LRRC4: variants seen among roughly 807,000 people sequenced by gnomAD.
LRRC4 encodes leucine rich repeat containing 4.
A neutral mutation model predicts 37.9 loss-of-function variants in LRRC4; 11 were observed. The ratio of observed to expected loss-of-function variants is 0.29; its 90% CI spans 0.18 to 0.48. The LOEUF is 0.48. Among genes scored for constraint, LRRC4 ranks in the 20% least tolerant of loss-of-function variants. The probability of loss-of-function intolerance (pLI) is 0.99; values close to 1 mark genes in which losing one functional copy is unlikely to be tolerated. For missense variants in LRRC4, 717 were observed against 842.1 expected (o/e 0.85, Z 1.84); for synonymous variants, 404 against 346.7 (o/e 1.17, Z -1.84).
In LRRC4 at chr7:128,030,050, G is replaced by A. The variant is rs774135437; in HGVS notation, c.591C>T (p.Asn197=). Residue 197 remains asparagine (N), a synonymous_variant, in exon 2 of 2, where the codon AAC becomes AAT. Coordinates refer to ENST00000249363, the MANE Select transcript of LRRC4 (RefSeq NM_022143.5). ...ACATGCCCAAGTTCAGATACTTGAG[G>A]TTGAACAGCCCCTCAAAAGCTCCCT... is the stretch of plus-strand genomic sequence containing the variant. The part of the protein sequence containing the change: ...ISEGAFEGLF[N]LKYLNLGMCN... The A allele has an allele frequency of 1.4e-5, 23 of 1,613,338 alleles. No homozygotes were observed. The highest frequency in any genetic ancestry group is 2.2e-5 in the South Asian group (2 of 91,086).
At position 128,030,709 on chromosome 7, in the gene LRRC4, G is replaced by T; in HGVS notation, c.-69C>A. The T allele has an allele frequency of 6.7e-7, 1 of 1,499,958 alleles. No homozygotes were observed. The highest frequency in any genetic ancestry group is 2.3e-5 in the East Asian group (1 of 43,580). 92.9% of individuals were successfully genotyped at this position (1,499,958 alleles called of 1,614,324 possible). ...CGGAAAGGAGAACCAGCCCTACCCCGGCTTAAGTGAGCTAGGAGCTCCTCT... is the reference window on the plus strand; with the variant it reads ...CGGAAAGGAGAACCAGCCCTACCCCTGCTTAAGTGAGCTAGGAGCTCCTCT... On this transcript the variant is annotated 5_prime_UTR_variant, in exon 2 of 2. Transcript: ENST00000249363.
intron 1 of LRRC4, 58 bp from the exon 2 acceptor site, chr7:128,030,798 A>G: frequency 2.1e-6 from 2 of 940,992 alleles, no homozygotes; most frequent in Non-Finnish European, 3.0e-6. Context: ...GGCCGAAAAA[A>G]ATCCTGCCAA....
At chr7:128,031,807 C>A (rs1019389777), upstream of LRRC4, among the ~76,000 whole-genome samples, 1 of 148,402 alleles carries the variant, frequency 6.7e-6, no homozygotes, top group Non-Finnish European at 1.5e-5. Flanking sequence ...CGGCCCCCGG[C>A]GCGCCGCCGG....
chr7:128,028,697 T>C lies in LRRC4; in HGVS notation c.1944A>G (p.Val648=). 1 of 1,613,040 alleles carries C rather than the reference T, an allele frequency of 6.2e-7. No homozygotes were observed. The highest frequency in any genetic ancestry group is 1.7e-5 in the Admixed American group (1 of 59,944). Residue 648 remains valine (V), a synonymous_variant, in exon 2 of 2, where the codon GTA becomes GTG. Transcript: ENST00000249363. ...AGGGGAGTCATATTTGAGTTTCCTG[T>C]ACCTTGTCCTTGGTATGGGTCTGAA... is the stretch of plus-strand genomic sequence containing the variant. ...YIIQTHTKDK[V]QETQI
chr7:128,028,852 C>T lies in LRRC4; in HGVS notation c.1789G>A (p.Val597Met). The change falls in exon 2 of 2, where the codon GTG becomes ATG. Residue 597 changes from valine (V) to methionine (M), a missense_variant. Coordinates refer to ENST00000249363, the MANE Select transcript of LRRC4 (RefSeq NM_022143.5). ...PSGVSGEGAV[V>M]LPTIHDHINY... ...ATATGGTCATGAATTGTGGGCAGCA[C>T]TACTGCCCCCTCACCTGATACACCG... 2 of 1,614,204 alleles carry T rather than the reference C, an allele frequency of 1.2e-6. No homozygotes were observed. Among genetic ancestry groups the T allele is most frequent in the Admixed American group, 1.7e-5 (1 of 60,026 alleles).
chr7:128,030,583 G>C lies in LRRC4; in HGVS notation c.58C>G (p.Pro20Ala). Residue 20 changes from proline (P) to alanine (A), a missense_variant, in exon 2 of 2, where the codon CCG becomes GCG. Pro to Ala is a conservative substitution (Grantham distance 27). Around this residue, in one of 5 missense-constraint regions of LRRC4, gnomAD observed 127 missense variants for 134.8 expected, o/e 0.94. Coordinates refer to ENST00000249363, the MANE Select transcript of LRRC4 (RefSeq NM_022143.5). ...HHHTWNAILL[P>A]FVYLTAQVWI... ...ACTTGCGCCGTGAGGTAGACGAACG[G>C]GAGCAGGATGGCATTCCAGGTGTGG... 1 of 1,602,252 alleles carries C rather than the reference G, an allele frequency of 6.2e-7. No individual in the cohort carries two copies. Among genetic ancestry groups the C allele is most frequent in the Non-Finnish European group, 8.5e-7 (1 of 1,172,182 alleles).
At position 128,030,684 on chromosome 7, in the gene LRRC4, C is replaced by G; in HGVS notation, c.-44G>C. On this transcript the variant is annotated 5_prime_UTR_variant, in exon 2 of 2. Coordinates refer to ENST00000249363, the MANE Select transcript of LRRC4 (RefSeq NM_022143.5). ...TTCACCATCGCCTGGGATTTTGGCT[C>G]GGAAAGGAGAACCAGCCCTACCCCG... 2 of 1,521,834 alleles carry G rather than the reference C, an allele frequency of 1.3e-6. No homozygotes were observed. The highest frequency in any genetic ancestry group is 2.3e-5 in the East Asian group (1 of 43,798). 94.3% of individuals were successfully genotyped at this position (1,521,834 alleles called of 1,614,324 possible). A position where few individuals can be genotyped will look rare whatever the true frequency, so the allele number is the denominator to read the frequency against.
chr7:128,030,125 G>T lies in LRRC4; in HGVS notation c.516C>A (p.Ser172=). The change falls in exon 2 of 2, where the codon TCC becomes TCA. Residue 172 remains serine (S), a synonymous_variant. Transcript: ENST00000249363. ...GCTCCCCCAAGTCCAGGCGCATGAG[G>T]GAGGGCACCCGGTTGAAGGCGTAAG... ...IPSYAFNRVP[S]LMRLDLGELK... 1 of 1,614,186 alleles carries T rather than the reference G, an allele frequency of 6.2e-7. No homozygotes were observed. Among genetic ancestry groups the T allele is most frequent in the Non-Finnish European group, 8.5e-7 (1 of 1,180,044 alleles).
chr7:128,032,109 C>G (rs1368402844), upstream of LRRC4: 1 of 151,938 alleles, frequency 6.6e-6, no homozygotes, highest in African/African-American at 2.4e-5. Flanking sequence ...CGTGAATGTA[C>G]TGCTGACGCA....
Position 128,030,437 on chromosome 7 carries a change from C to T in LRRC4, c.204G>A (p.Glu68=). The T allele has an allele frequency of 1.2e-6, 2 of 1,613,878 alleles. No individual in the cohort carries two copies. The highest frequency in any genetic ancestry group is 1.1e-5 in the South Asian group (1 of 91,082). The change falls in exon 2 of 2, where the codon GAG becomes GAA. Residue 68 remains glutamate (E), a synonymous_variant. Transcript: ENST00000249363. Reference sequence around the variant, plus strand: ...TGTTCGAGGGAATACCCTGCGGGACCTCGGAGAGGCCCCGGCGCGTGCACA... The same window carrying T: ...TGTTCGAGGGAATACCCTGCGGGACTTCGGAGAGGCCCCGGCGCGTGCACA... ...KVVCTRRGLS[E]VPQGIPSNTR...
chr7:128,028,758 T>C lies in LRRC4; in HGVS notation c.1883A>G (p.His628Arg). The change falls in exon 2 of 2, where the codon CAC (histidine) becomes CGC (arginine). Residue 628 changes from histidine to arginine, a missense_variant. Coordinates refer to ENST00000249363, the MANE Select transcript of LRRC4 (RefSeq NM_022143.5). Reference protein sequence around the residue: ...WTENSLGNSLHPTVTTISEPY... With the variant: ...WTENSLGNSLRPTVTTISEPY... ...TTCAGAGATAGTGGTGACTGTGGGG[T>C]GCAGAGAGTTCCCCAGGCTGTTTTC... is the stretch of plus-strand genomic sequence containing the variant. 1 of 1,614,038 alleles carries C rather than the reference T, an allele frequency of 6.2e-7. No homozygotes were observed. Among genetic ancestry groups the C allele is most frequent in the Non-Finnish European group, 8.5e-7 (1 of 1,179,970 alleles).
At position 128,028,759 on chromosome 7, in the gene LRRC4, G is replaced by A. The variant is rs775497533; in HGVS notation, c.1882C>T (p.His628Tyr). 1 of 1,614,030 alleles carries A rather than the reference G, an allele frequency of 6.2e-7. No homozygotes were observed. The highest frequency in any genetic ancestry group is 8.5e-7 in the Non-Finnish European group (1 of 1,179,958). The change falls in exon 2 of 2, where the codon CAC becomes TAC. Residue 628 changes from histidine (H) to tyrosine (Y), a missense_variant. Physicochemically the swap from His to Tyr is moderately conservative, Grantham distance 83. Around this residue, in one of 5 missense-constraint regions of LRRC4, gnomAD observed 140 missense variants for 137.2 expected, o/e 1.02. Coordinates refer to ENST00000249363, the MANE Select transcript of LRRC4 (RefSeq NM_022143.5). ...TCAGAGATAGTGGTGACTGTGGGGT[G>A]CAGAGAGTTCCCCAGGCTGTTTTCT... Reference protein sequence around the residue: ...WTENSLGNSLHPTVTTISEPY... With the variant: ...WTENSLGNSLYPTVTTISEPY...
chr7:128,030,805 C>G (rs889247831), intron 1 of LRRC4, 65 bp from the exon 2 acceptor site: 102 of 891,900 alleles, frequency 1.1e-4, no homozygotes, highest in Non-Finnish European at 1.7e-4. Context: ...AAAAATCCTG[C>G]CAAACTCGAG....
chr7:128,030,509 C>T lies in LRRC4; in HGVS notation c.132G>A (p.Gln44=), dbSNP rs1245547874. ...TGCACGAGCAGACGGAGGGGCAGTT[C>T]TGGGGCCCGGCTGAGGCGGCAGCAG... The part of the protein sequence containing the change: ...AIAAAASAGP[Q]NCPSVCSCSN... Residue 44 remains glutamine, a synonymous_variant, in exon 2 of 2, where the codon CAG becomes CAA. Coordinates refer to ENST00000249363, the MANE Select transcript of LRRC4 (RefSeq NM_022143.5). 12 of 1,613,316 alleles carry T rather than the reference C, an allele frequency of 7.4e-6. No homozygotes were observed. The highest frequency in any genetic ancestry group is 4.0e-5 in the African/African-American group (3 of 74,944).
At chr7:128,030,793 A>G (rs1242348198) in intron 1 of LRRC4, 53 bp from the exon 2 acceptor site, 7 of 983,294 alleles carry the variant, frequency 7.1e-6, no homozygotes, top group Non-Finnish European at 1.0e-5. Context: ...GGATCGGCCG[A>G]AAAAAATCCT....
Position 128,029,649 on chromosome 7 carries a change from G to A in LRRC4, c.992C>T (p.Ala331Val). The change falls in exon 2 of 2, where the codon GCT becomes GTT. Residue 331 changes from alanine (A) to valine (V), a missense_variant. Ala to Val is a moderately conservative substitution (Grantham distance 64). Around this residue, in one of 5 missense-constraint regions of LRRC4, gnomAD observed 293 missense variants for 268.3 expected, o/e 1.09. Coordinates refer to ENST00000249363, the MANE Select transcript of LRRC4 (RefSeq NM_022143.5). This position sits in a 1 kb window ranked among gnomAD's most constrained non-coding sequence, Gnocchi z 4.2. The part of the protein sequence containing the change: ...TNSTCCGRCH[A>V]PMHMRGRYLV... ...GTAGCGGCCTCGCATGTGCATGGGA[G>A]CATGACAGCGGCCACAGCAGGTGGA... The A allele has an allele frequency of 6.2e-7, 1 of 1,613,948 alleles. No individual in the cohort carries two copies. Among genetic ancestry groups the A allele is most frequent in the East Asian group, 2.2e-5 (1 of 44,886 alleles).
chr7:128,031,867 C>T (rs1390932758), upstream of LRRC4: 1 of 150,514 alleles, frequency 6.6e-6, no homozygotes, highest in African/African-American at 2.4e-5. Context: ...CTCCCGGCGC[C>T]CTCAGTGGCC....
rs138180193 is a variant in LRRC4, at chr7:128,030,757, G to A, written c.-100-17C>T. 2.3e-4 allele frequency: 299 copies of A among 1,312,770 alleles called. 1 individual carries two copies. In the African/African-American group the frequency reaches 2.9e-3, roughly 13 times the overall value. The allele number at this position is 1,312,770 out of a possible 1,614,324, so 81.3% of individuals were successfully genotyped here. On this transcript the variant is annotated splice_polypyrimidine_tract_variant and intron_variant, in intron 1 of 1. Transcript: ENST00000249363. ...TCTTTCCATCTGGAGAAGGAGGTGG[G>A]GAGGGGGCGATTAGAGAGACGGAGC...
rs1803511118 is a variant in LRRC4, at chr7:128,027,502, A to T, written c.*1177T>A. On this transcript the variant is annotated 3_prime_UTR_variant, in exon 2 of 2. Transcript: ENST00000249363. Reference sequence around the variant, plus strand: ...TTTTCGTCTCTCCCTTTTCTTTGCTACTCATGTTCTGCCCCCACCCCATCA... The same window carrying T: ...TTTTCGTCTCTCCCTTTTCTTTGCTTCTCATGTTCTGCCCCCACCCCATCA... 1 of 151,906 alleles carries T rather than the reference A, an allele frequency of 6.6e-6. No homozygotes were observed. Among genetic ancestry groups the T allele is most frequent in the African/African-American group, 2.4e-5 (1 of 41,166 alleles). The allele number at this position is 151,906 out of a possible 1,614,324, so 9.4% of individuals were successfully genotyped here.
Sources: allele counts gnomAD v4.1 joint callset (sites outside exome capture counted in the v4.1 genomes callset), GRCh38; gene constraint gnomAD v4.1.1; regional missense constraint gnomAD v4.1.1; non-coding constraint Gnocchi (gnomAD v3.1); transcripts MANE v1.5; gene names NCBI Gene and HGNC (gene_info 2026-07-23, HGNC 2026-07-21).